GRIK3: variants seen among roughly 807,000 people sequenced by gnomAD.
The protein encoded by GRIK3 is glutamate receptor ionotropic, kainate 3.
GRIK3 carries 29 observed loss-of-function variants against 102.5 expected under a neutral mutation model. The ratio of observed to expected loss-of-function variants is 0.28; its 90% CI spans 0.21 to 0.39. The LOEUF is 0.39. GRIK3 is among the 10% of genes least tolerant of loss of function. The pLI is 1.00. For missense variants in GRIK3, 908 were observed against 1,252.4 expected (o/e 0.73, Z 4.15); for synonymous variants, 511 against 504.9 (o/e 1.01, Z -0.16).
intron 1 of GRIK3, among the ~76,000 whole-genome samples, chr1:36,927,898 C>A (rs1376636437): frequency 6.6e-6 from 1 of 151,896 alleles, no homozygotes; most frequent in African/African-American, 2.4e-5. Flanking sequence ...CCTGATTTCA[C>A]GGATTTAAGA....
chr1:36,991,803 C>T (rs960244594), intron 1 of GRIK3, among the ~76,000 whole-genome samples: 5 of 152,214 alleles, frequency 3.3e-5, no homozygotes, highest in African/African-American at 9.6e-5. Flanking sequence ...GGTTCTCAGT[C>T]GGGTGGTGAA....
At position 36,850,739 on chromosome 1, in the gene GRIK3, T is replaced by C. The variant is rs1365415177; in HGVS notation, c.1213-315A>G. Reference sequence around the variant, plus strand: ...AAATGCGAAGGCAGCCCCAGGGGTCTCAGGGCTGAGCAGATGCCAATCAGG... The same window carrying C: ...AAATGCGAAGGCAGCCCCAGGGGTCCCAGGGCTGAGCAGATGCCAATCAGG... On this transcript the variant is annotated intron_variant, in intron 8 of 15. Coordinates refer to ENST00000373091, the MANE Select transcript of GRIK3 (RefSeq NM_000831.4). This position sits in a 1 kb window ranked among gnomAD's most constrained non-coding sequence, Gnocchi z 4.0. Among the ~76,000 whole-genome samples, 1 of 152,174 alleles carries C rather than the reference T, an allele frequency of 6.6e-6. No individual in the cohort carries two copies. Among genetic ancestry groups the C allele is most frequent in the Non-Finnish European group, 1.5e-5 (1 of 68,038 alleles).
intron 10 of GRIK3, among the ~76,000 whole-genome samples, chr1:36,832,763 G>C (rs559307469): frequency 7.2e-5 from 11 of 152,284 alleles, no homozygotes; most frequent in African/African-American, 1.9e-4. Flanking sequence ...ACCCCATAGG[G>C]GTCCCCAGGT....
At chr1:36,902,390 T>A (rs1641241132) in intron 1 of GRIK3, among the ~76,000 whole-genome samples, 1 of 152,102 alleles carries the variant, frequency 6.6e-6, no homozygotes, top group Admixed American at 6.5e-5. Context: ...GACAAATAGA[T>A]CATTGGAACA....
intron 1 of GRIK3, among the ~76,000 whole-genome samples, chr1:36,942,574 A>G (rs1182681163): frequency 6.7e-6 from 1 of 150,012 alleles, no homozygotes; most frequent in Non-Finnish European, 1.5e-5. Context: ...GCCAAACCCC[A>G]CCTCCACCCT....
intron 1 of GRIK3, among the ~76,000 whole-genome samples, chr1:36,977,521 G>A (rs114524705): frequency 0.021 from 3,221 of 152,290 alleles, 119 homozygotes; most frequent in African/African-American, 0.074. Flanking sequence ...CTTCCCCTTT[G>A]CAGAGCTGGA....
Position 36,800,300 on chromosome 1 carries a change from C to T in GRIK3, c.*1551G>A, listed in dbSNP as rs1642426297. ...CTCCCTCCCCTGTTCAAAACCTGCC[C>T]CTCCATCCTTGGCCATGGTAACCCT... On this transcript the variant is annotated 3_prime_UTR_variant, in exon 16 of 16. Transcript: ENST00000373091. 1 of 152,298 alleles carries T rather than the reference C, an allele frequency of 6.6e-6. No individual in the cohort carries two copies. Among genetic ancestry groups the T allele is most frequent in the African/African-American group, 2.4e-5 (1 of 41,458 alleles). The allele number at this position is 152,298 out of a possible 1,614,324, so 9.4% of individuals were successfully genotyped here. A position where few individuals can be genotyped will look rare whatever the true frequency, so the allele number is the denominator to read the frequency against.
At position 36,819,485 on chromosome 1, in the gene GRIK3, G is replaced by A. The variant is rs150808427; in HGVS notation, c.1873+251C>T. Among the ~76,000 whole-genome samples the A allele has an allele frequency of 1.6e-3, 249 of 152,318 alleles. 2 individuals carry two copies. The East Asian group carries it at 0.027, about 16-fold the overall frequency. ...GAGCAGGAGGTGGGGGATGCGTCCC[G>A]CATGCCCTGGGCTGGGTGGTTTTCT... On this transcript the variant is annotated intron_variant, in intron 12 of 15. Coordinates refer to ENST00000373091, the MANE Select transcript of GRIK3 (RefSeq NM_000831.4). The surrounding 1 kb of genome is among the most constrained non-coding windows in gnomAD (Gnocchi z 4.1).
intron 7 of GRIK3, 148 bp downstream of exon 7, chr1:36,858,960 C>T (rs116699671): frequency 2.6e-4 from 180 of 700,744 alleles, no homozygotes; most frequent in Non-Finnish European, 3.2e-4. Context: ...CATTTTCACA[C>T]GGGAAACTGA....
chr1:36,805,361 C>T (rs1333939677), intron 14 of GRIK3, 124 bp from the exon 15 acceptor site: 1 of 959,180 alleles, frequency 1.0e-6, no homozygotes, highest in Non-Finnish European at 1.5e-6. Flanking sequence ...AAGGGGGTCC[C>T]TATCCCTGTG....
At position 36,891,103 on chromosome 1, in the gene GRIK3, A is replaced by C; in HGVS notation, c.116-7T>G. On this transcript the variant is annotated splice_polypyrimidine_tract_variant and splice_region_variant and intron_variant, in intron 1 of 15. Coordinates refer to ENST00000373091, the MANE Select transcript of GRIK3 (RefSeq NM_000831.4). ...GCATACTCGAAGATTCCTCCTGTGA[A>C]AGATGAGTAAAATTGTGTGTGGTTG... 6.2e-7 allele frequency: 1 copy of C among 1,607,528 alleles called. No homozygotes were observed. The highest frequency in any genetic ancestry group is 1.1e-5 in the South Asian group (1 of 89,802).
At chr1:36,903,045 C>T (rs1164305243) in intron 1 of GRIK3, among the ~76,000 whole-genome samples, 4 of 152,170 alleles carry the variant, frequency 2.6e-5, no homozygotes, top group Non-Finnish European at 5.9e-5. Flanking sequence ...CTGCCTCGGC[C>T]TCCCAAAGTG....
intron 1 of GRIK3, among the ~76,000 whole-genome samples, chr1:37,032,208 T>A (rs1000277517): frequency 1.3e-5 from 2 of 152,142 alleles, no homozygotes; most frequent in East Asian, 3.9e-4. Flanking sequence ...TAAGGATACA[T>A]CATCCTGCGC....
At chr1:36,863,410 T>C (rs1640748701) in intron 5 of GRIK3, among the ~76,000 whole-genome samples, 2 of 152,214 alleles carry the variant, frequency 1.3e-5, no homozygotes, top group South Asian at 2.1e-4. Context: ...TTTCAGAATA[T>C]GGTACAAATT....
At chr1:36,975,330 G>A (rs1223613251) in intron 1 of GRIK3, among the ~76,000 whole-genome samples, 8 of 127,884 alleles carry the variant, frequency 6.3e-5, no homozygotes, top group East Asian at 2.1e-4. Flanking sequence ...TTGCTCTGTC[G>A]CCCAGGCTCG....
chr1:36,938,865 C>A (rs2124321188), intron 1 of GRIK3, among the ~76,000 whole-genome samples: 1 of 152,264 alleles, frequency 6.6e-6, no homozygotes, highest in Admixed American at 6.5e-5. Context: ...AAAACTACAA[C>A]AAATGAAAGC....
chr1:36,849,782 G>C (rs887481634), intron 9 of GRIK3: 1 of 153,840 alleles, frequency 6.5e-6, no homozygotes, highest in African/African-American at 2.4e-5. Flanking sequence ...AGGAGAAGGC[G>C]GTGCTATTCA....
At chr1:37,029,804 C>A (rs757661573) in intron 1 of GRIK3, among the ~76,000 whole-genome samples, 1 of 152,172 alleles carries the variant, frequency 6.6e-6, no homozygotes, top group Non-Finnish European at 1.5e-5. Context: ...TGGTTGGAGG[C>A]AGCTTGCATT....
chr1:36,842,639 C>CGG (rs1213887054), intron 9 of GRIK3, among the ~76,000 whole-genome samples: 1 of 152,158 alleles, frequency 6.6e-6, no homozygotes, highest in Non-Finnish European at 1.5e-5. Flanking sequence ...GTGGCTGTGC[C>CGG]GGGCACTGGT....
Sources: gnomAD v4.1 joint callset for allele counts (sites outside exome capture counted in the v4.1 genomes callset) on GRCh38, gnomAD v4.1.1 for gene constraint, Gnocchi (gnomAD v3.1) non-coding constraint, MANE v1.5 for transcripts, NCBI Gene and HGNC (gene_info 2026-07-23, HGNC 2026-07-21) for gene names.